ANKRD44: variants seen among roughly 807,000 people sequenced by gnomAD.
ANKRD44 encodes the protein ankyrin repeat domain 44.
In ANKRD44, 35 loss-of-function variants were observed where a neutral mutation model predicts 116.0. The observed-to-expected ratio is 0.30, with a 90% CI of 0.23 to 0.40. The LOEUF (loss-of-function observed/expected upper bound fraction) is 0.40, where lower values mean the gene tolerates loss of function less well. Among genes scored for constraint, ANKRD44 ranks in the 10% least tolerant of loss-of-function variants. The pLI is 1.00. For missense variants in ANKRD44, 1,014 were observed against 1,242.6 expected (o/e 0.82, Z 2.77); for synonymous variants, 435 against 461.8 (o/e 0.94, Z 0.74).
chr2:197,045,676 C>T (rs962328050), intron 16 of ANKRD44, among the ~76,000 whole-genome samples: 1 of 152,190 alleles, frequency 6.6e-6, no homozygotes, highest in African/African-American at 2.4e-5. Flanking sequence ...CTCTGATAAG[C>T]TTAACTTTCC....
intron 10 of ANKRD44, 96 bp downstream of exon 10, chr2:197,099,720 C>T (rs1224272833): frequency 1.3e-6 from 2 of 1,522,270 alleles, no homozygotes; most frequent in Admixed American, 2.2e-5. Context: ...TCCACCTTAA[C>T]CTGGATAAAT....
At chr2:196,969,153 T>C (rs970183405) in intron 21 of ANKRD44, among the ~76,000 whole-genome samples, 2 of 152,340 alleles carry the variant, frequency 1.3e-5, no homozygotes, top group East Asian at 3.9e-4. Flanking sequence ...CATGGCTTAG[T>C]CTCTTTGTGG....
At chr2:197,111,991 C>T (rs187295066) in intron 8 of ANKRD44, among the ~76,000 whole-genome samples, 2 of 152,184 alleles carry the variant, frequency 1.3e-5, no homozygotes, top group Non-Finnish European at 2.9e-5. Flanking sequence ...AGCCAAAACA[C>T]AGAAAATGTA....
chr2:197,208,988 C>A (rs1384749371), intron 1 of ANKRD44, among the ~76,000 whole-genome samples: 2 of 152,034 alleles, frequency 1.3e-5, no homozygotes, highest in Non-Finnish European at 2.9e-5. Context: ...GGAAAATAGG[C>A]ATTTAGAATA....
chr2:197,269,344 T>A (rs1023914130), intron 1 of ANKRD44, among the ~76,000 whole-genome samples: 1 of 152,186 alleles, frequency 6.6e-6, no homozygotes, highest in African/African-American at 2.4e-5. Flanking sequence ...AGAAGCACTC[T>A]ACTCATAACC....
chr2:197,199,831 T>C (rs2081053366), intron 1 of ANKRD44, among the ~76,000 whole-genome samples: 1 of 152,236 alleles, frequency 6.6e-6, no homozygotes, highest in African/African-American at 2.4e-5. Flanking sequence ...ATCATTTCTC[T>C]TAATAACTAT....
intron 16 of ANKRD44, among the ~76,000 whole-genome samples, chr2:197,063,678 C>T (rs947267831): frequency 1.3e-5 from 2 of 152,054 alleles, no homozygotes; most frequent in African/African-American, 2.4e-5. Flanking sequence ...GTAGCCGATT[C>T]GATCAACTGG....
At chr2:197,021,447 T>G (rs1418517504) in intron 17 of ANKRD44, among the ~76,000 whole-genome samples, 2 of 152,208 alleles carry the variant, frequency 1.3e-5, no homozygotes, top group African/African-American at 4.8e-5. Context: ...TTTCTCCACA[T>G]CCTCTCCAGC....
Position 197,261,145 on chromosome 2 carries a change from C to T in ANKRD44, c.27+49433G>A, listed in dbSNP as rs370281395. Among the ~76,000 whole-genome samples the T allele has an allele frequency of 2.6e-3, 389 of 151,230 alleles. 14 individuals carry two copies. In the South Asian group the frequency reaches 0.06, roughly 24 times the overall value. On this transcript the variant is annotated intron_variant, in intron 1 of 27. Coordinates refer to ENST00000282272, the MANE Select transcript of ANKRD44 (RefSeq NM_001195144.2). The stretch of plus-strand genomic sequence containing the variant: ...GCTTTTGGTGTTTTAGACATGAAGT[C>T]CTTGCCCATGCCTATGTCCTGAATG...
chr2:197,123,796 G>A (rs2078913989), intron 6 of ANKRD44, among the ~76,000 whole-genome samples: 1 of 152,092 alleles, frequency 6.6e-6, no homozygotes, highest in African/African-American at 2.4e-5. Flanking sequence ...GGGGTGGGGG[G>A]AAAGTATTGG....
intron 1 of ANKRD44, among the ~76,000 whole-genome samples, chr2:197,270,084 G>A (rs1366429193): frequency 6.6e-6 from 1 of 152,142 alleles, no homozygotes. Flanking sequence ...AACAGCTAAA[G>A]TAATGCCCCT....
At chr2:197,127,730 T>C (rs1293841043) in intron 4 of ANKRD44, among the ~76,000 whole-genome samples, 1 of 152,196 alleles carries the variant, frequency 6.6e-6, no homozygotes, top group Non-Finnish European at 1.5e-5. Context: ...TATAGGTAAA[T>C]GCATGTATGG....
intron 1 of ANKRD44, among the ~76,000 whole-genome samples, chr2:197,284,549 G>C (rs1249909982): frequency 6.8e-6 from 1 of 147,166 alleles, no homozygotes; most frequent in Non-Finnish European, 1.5e-5. Context: ...CACATAATTT[G>C]TGTGTTTAAA....
At chr2:197,095,339 A>T (rs1378799117) in intron 10 of ANKRD44, among the ~76,000 whole-genome samples, 1 of 152,220 alleles carries the variant, frequency 6.6e-6, no homozygotes, top group Non-Finnish European at 1.5e-5. Flanking sequence ...CTCAATGGAC[A>T]AGTGATAAGG....
chr2:197,166,960 A>G (rs935251869), intron 2 of ANKRD44, among the ~76,000 whole-genome samples: 1 of 152,260 alleles, frequency 6.6e-6, no homozygotes, highest in African/African-American at 2.4e-5. Flanking sequence ...ACTTTGTCCA[A>G]GAATAAAAGC....
chr2:197,215,157 T>TC (rs1434891862), intron 1 of ANKRD44, among the ~76,000 whole-genome samples: 2 of 151,986 alleles, frequency 1.3e-5, no homozygotes, highest in Admixed American at 6.6e-5. Context: ...ATTACAGGAG[T>TC]CAGCCACCAT....
intron 1 of ANKRD44, among the ~76,000 whole-genome samples, chr2:197,218,320 C>G (rs1042615008): frequency 6.6e-6 from 1 of 152,186 alleles, no homozygotes; most frequent in African/African-American, 2.4e-5. Context: ...AACTACTGAT[C>G]CTCACCTACA....
intron 12 of ANKRD44, among the ~76,000 whole-genome samples, chr2:197,088,353 T>G (rs1015473917): frequency 5.9e-5 from 9 of 152,216 alleles, no homozygotes; most frequent in African/African-American, 1.9e-4. Flanking sequence ...CTCTTGATTA[T>G]CACCCACATA....
At chr2:197,062,852 C>G (rs1196958961) in intron 16 of ANKRD44, among the ~76,000 whole-genome samples, 1 of 152,234 alleles carries the variant, frequency 6.6e-6, no homozygotes, top group Non-Finnish European at 1.5e-5. Context: ...CACCACAGCT[C>G]AAGGAGGCCT....
Sources: gnomAD v4.1 joint callset for allele counts (sites outside exome capture counted in the v4.1 genomes callset) on GRCh38, gnomAD v4.1.1 for gene constraint, MANE v1.5 for transcripts, NCBI Gene and HGNC (gene_info 2026-07-23, HGNC 2026-07-21) for gene names.